The following TBC1D5 variants were observed in gnomAD, a reference collection of about 807,000 sequenced individuals.
TBC1D5 encodes the protein TBC1 domain family, member 5.
A neutral mutation model predicts 100.3 loss-of-function variants in TBC1D5; 75 were observed. The ratio of observed to expected loss-of-function variants is 0.75; its 90% CI spans 0.62 to 0.91. The LOEUF is 0.91. Among genes scored for constraint, TBC1D5 ranks in the 40% least tolerant of loss-of-function variants. The pLI, the probability that TBC1D5 is intolerant of heterozygous loss-of-function variation, is 0.00. For missense variants in TBC1D5, 910 were observed against 942.4 expected (o/e 0.97, Z 0.45); for synonymous variants, 323 against 325.6 (o/e 0.99, Z 0.09).
chr3:17,371,054 A>T (rs185759599), intron 13 of TBC1D5, among the ~76,000 whole-genome samples: 1 of 150,572 alleles, frequency 6.6e-6, no homozygotes, highest in Non-Finnish European at 1.5e-5. Flanking sequence ...ACACCTTATA[A>T]GCCACTGAAA....
At chr3:17,323,278 C>T (rs958785387) in intron 13 of TBC1D5, among the ~76,000 whole-genome samples, 2 of 152,190 alleles carry the variant, frequency 1.3e-5, no homozygotes, top group East Asian at 1.9e-4. Context: ...GCCAGCATTA[C>T]TGGCATTCCA....
intron 16 of TBC1D5, among the ~76,000 whole-genome samples, chr3:17,249,889 C>T (rs1222669394): frequency 1.3e-5 from 2 of 152,070 alleles, no homozygotes; most frequent in Non-Finnish European, 2.9e-5. Flanking sequence ...TGCCCCAAAA[C>T]GATAACAAGA....
chr3:17,669,617 T>A (rs1291953848), intron 1 of TBC1D5, among the ~76,000 whole-genome samples: 1 of 152,138 alleles, frequency 6.6e-6, no homozygotes, highest in African/African-American at 2.4e-5. Context: ...ATAGGAATAA[T>A]AAATATCTTA....
intron 1 of TBC1D5, among the ~76,000 whole-genome samples, chr3:17,708,502 G>A (rs80141337): frequency 0.012 from 1,821 of 152,208 alleles, 27 homozygotes; most frequent in Non-Finnish European, 0.014. Context: ...TTGATATGTT[G>A]GGCCAGATAA....
chr3:17,451,011 A>G (rs2094912925), intron 3 of TBC1D5, among the ~76,000 whole-genome samples: 1 of 152,220 alleles, frequency 6.6e-6, no homozygotes, highest in South Asian at 2.1e-4. Flanking sequence ...CACAAAGCCC[A>G]TCAGACTAAC....
intron 15 of TBC1D5, among the ~76,000 whole-genome samples, chr3:17,284,123 C>CACACACACACACACACAT (rs397973475): frequency 1.3e-5 from 2 of 150,818 alleles, no homozygotes; most frequent in South Asian, 2.1e-4. Context: ...CACACACACA[C>CACACACACACACACACAT]GTATTTTTAA....
intron 8 of TBC1D5, among the ~76,000 whole-genome samples, chr3:17,386,437 T>C (rs2093155857): frequency 6.6e-6 from 1 of 152,180 alleles, no homozygotes; most frequent in South Asian, 2.1e-4. Flanking sequence ...AGTATACCTG[T>C]TAAGTCAACT....
intron 2 of TBC1D5, among the ~76,000 whole-genome samples, chr3:17,519,479 C>T (rs2096036862): frequency 6.6e-6 from 1 of 152,162 alleles, no homozygotes; most frequent in African/African-American, 2.4e-5. Context: ...CCCCAACATG[C>T]CTTCTCCTAA....
At chr3:17,307,954 G>A (rs1411307679) in intron 14 of TBC1D5, 38 bp downstream of exon 14, 1 of 1,580,304 alleles carries the variant, frequency 6.3e-7, no homozygotes, top group Non-Finnish European at 8.5e-7. Flanking sequence ...AAAATCAGGA[G>A]TACCTAGTCA....
intron 14 of TBC1D5, among the ~76,000 whole-genome samples, chr3:17,294,987 A>G (rs1212031579): frequency 7.9e-6 from 1 of 126,240 alleles, no homozygotes; most frequent in Non-Finnish European, 1.9e-5. Context: ...ATGAAAAACT[A>G]ATCTGTAATA....
chr3:17,667,546 G>A (rs2067406384), intron 1 of TBC1D5, among the ~76,000 whole-genome samples: 1 of 151,822 alleles, frequency 6.6e-6, no homozygotes, highest in Admixed American at 6.6e-5. Flanking sequence ...TGACCTCCCA[G>A]GCTCAAGTGA....
chr3:17,374,794 A>G (rs1449727402), intron 10 of TBC1D5, 115 bp from the exon 11 acceptor site: 1 of 1,018,026 alleles, frequency 9.8e-7, no homozygotes. Flanking sequence ...GAAAAAAATT[A>G]GTCTTTTTTA....
rs1269709861 is a variant in TBC1D5, at chr3:17,376,524, C to A, written c.701+1G>T. On this transcript the variant is annotated splice_donor_variant, in intron 10 of 21. Transcript: ENST00000253692. LOFTEE classifies it high-confidence loss of function. ...GAGCTCATATTAAAAAAAAAACTTG[C>A]CTGGGCTGTGCAGACTCACTGGCAT... is the stretch of plus-strand genomic sequence containing the variant. 6.2e-7 allele frequency: 1 copy of A among 1,602,504 alleles called. No homozygotes were observed. The highest frequency in any genetic ancestry group is 8.5e-7 in the Non-Finnish European group (1 of 1,176,416).
chr3:17,224,986 T>C (rs2074691254), intron 17 of TBC1D5, among the ~76,000 whole-genome samples: 1 of 152,188 alleles, frequency 6.6e-6, no homozygotes, highest in Admixed American at 6.5e-5. Flanking sequence ...ATTAGCTTAC[T>C]AACATATTTT....
chr3:17,673,625 A>G (rs2153791030), intron 1 of TBC1D5, among the ~76,000 whole-genome samples: 1 of 152,116 alleles, frequency 6.6e-6, no homozygotes, highest in Middle Eastern at 3.4e-3. Context: ...TATACTTTCT[A>G]AAATTTTTAA....
chr3:17,280,333 A>G (rs1418864333), intron 15 of TBC1D5, among the ~76,000 whole-genome samples: 2 of 152,158 alleles, frequency 1.3e-5, no homozygotes, highest in Admixed American at 1.3e-4. Flanking sequence ...AGAAGAGGGC[A>G]GGTCCCTGGT....
At chr3:17,238,383 C>T (rs2076047261) in exon 17 of TBC1D5, 3 of 1,613,492 alleles carry the variant, frequency 1.9e-6, no homozygotes, top group South Asian at 2.2e-5. Context: ...TATTAGAGAC[C>T]TTATTTATAT....
rs993770410 is a variant in TBC1D5, at chr3:17,185,227, CAT to C, written c.1753-21_1753-20del. The C allele has an allele frequency of 3.1e-6, 5 of 1,601,128 alleles. No individual in the cohort carries two copies. In the African/African-American group the frequency reaches 5.4e-5, roughly 17 times the overall value. ...CTTCTTCCTAAAATAAAGGGATAAA[CAT>C]ATGGAAATTTTTTAGAGATTGTCAA... On this transcript the variant is annotated intron_variant, in intron 18 of 21. Transcript: ENST00000253692.
intron 2 of TBC1D5, among the ~76,000 whole-genome samples, chr3:17,570,815 C>T (rs538957593): frequency 1.3e-5 from 2 of 152,058 alleles, no homozygotes; most frequent in East Asian, 3.9e-4. Flanking sequence ...CATCTTATTA[C>T]ATTATTGTAA....
Sources: allele counts gnomAD v4.1 joint callset (sites outside exome capture counted in the v4.1 genomes callset), GRCh38; gene constraint gnomAD v4.1.1; transcripts MANE v1.5; gene names NCBI Gene and HGNC (gene_info 2026-07-23, HGNC 2026-07-21).